Variants in SLC17A1 observed in about 807,000 individuals in gnomAD.
SLC17A1 encodes the protein solute carrier family 17 member 1.
Under a neutral mutation model 53.5 loss-of-function variants are expected in SLC17A1, and 51 were observed. The ratio of observed to expected loss-of-function variants is 0.95; its 90% confidence interval spans 0.76 to 1.20. The LOEUF (loss-of-function observed/expected upper bound fraction) is 1.20. Among genes scored for constraint, SLC17A1 ranks in the 50% most tolerant of loss-of-function variants. SLC17A1 has a pLI of 0.00. For synonymous variants in SLC17A1, 179 were observed against 198.8 expected, an observed-to-expected ratio of 0.90 and a Z score of 0.84; for missense variants, 538 against 568.2, an observed-to-expected ratio of 0.95 and a Z score of 0.54.
chr6:25,758,056 C>A, the SLC17A1 span, among the ~76,000 whole-genome samples: 1 of 152,224 alleles, frequency 6.6e-6, no homozygotes, highest in Non-Finnish European at 1.5e-5. Context: ...GGACGTATCA[C>A]AGCCTCCAGT....
the SLC17A1 span, among the ~76,000 whole-genome samples, chr6:25,774,331 T>C: frequency 1.3e-5 from 2 of 152,324 alleles, no homozygotes; most frequent in South Asian, 2.1e-4. Flanking sequence ...GGCTATCAGA[T>C]TTCATAACAT....
At chr6:25,812,458 G>T (rs1370158426) in intron 8 of SLC17A1, among the ~76,000 whole-genome samples, 1 of 152,188 alleles carries the variant, frequency 6.6e-6, no homozygotes, top group African/African-American at 2.4e-5. Flanking sequence ...GAGAGGATTG[G>T]TAAAAGCTTG....
intron 3 of SLC17A1, 30 bp from the exon 4 acceptor site, chr6:25,819,945 A>G: frequency 7.0e-7 from 1 of 1,431,470 alleles, no homozygotes; most frequent in Non-Finnish European, 9.7e-7. Flanking sequence ...ATGTCGAATC[A>G]CTCTGCATAT....
the SLC17A1 span, chr6:25,770,828 T>G: frequency 1.1e-6 from 1 of 936,218 alleles, no homozygotes; most frequent in Non-Finnish European, 1.7e-6. Context: ...GGCTTGAAAC[T>G]CATACCTTCA....
chr6:25,789,441 G>A (rs544719258), intron 12 of SLC17A1, among the ~76,000 whole-genome samples: 1 of 151,490 alleles, frequency 6.6e-6, no homozygotes, highest in Non-Finnish European at 1.5e-5. Flanking sequence ...TAGTTCCAAA[G>A]TATGTAAATA....
At chr6:25,817,290 G>A (rs7753366) in intron 6 of SLC17A1, among the ~76,000 whole-genome samples, 42,408 of 152,048 alleles carry the variant, frequency 0.28, 6,408 homozygotes, top group African/African-American at 0.4. Context: ...CAACTTTATT[G>A]GCAAGAATAT....
the SLC17A1 span, chr6:25,726,991 G>A: frequency 1.3e-5 from 21 of 1,614,044 alleles, no homozygotes; most frequent in Non-Finnish European, 1.7e-5. Context: ...AAAAAGGAAG[G>A]CAAAAAGCGC....
chr6:25,801,911 A>C (rs996743814), intron 10 of SLC17A1, among the ~76,000 whole-genome samples: 4 of 141,674 alleles, frequency 2.8e-5, no homozygotes, highest in African/African-American at 1.1e-4. Flanking sequence ...TTGACGATCT[A>C]GGGAGTGTGT....
the SLC17A1 span, among the ~76,000 whole-genome samples, chr6:25,733,503 C>T: frequency 2.0e-5 from 3 of 151,686 alleles, no homozygotes; most frequent in Non-Finnish European, 4.4e-5. Flanking sequence ...TCTAGAAGAC[C>T]GTAGCCATGC....
At chr6:25,727,425 T>C in the SLC17A1 span, 1 of 736,686 alleles carries the variant, frequency 1.4e-6, no homozygotes, top group South Asian at 2.3e-5. Flanking sequence ...AGGCGGAGTC[T>C]CACTCTCCCA....
intron 12 of SLC17A1, among the ~76,000 whole-genome samples, chr6:25,797,164 C>T (rs1441420723): frequency 6.6e-6 from 1 of 152,216 alleles, no homozygotes; most frequent in East Asian, 1.9e-4. Context: ...AAACAAAACC[C>T]TCCTTGGTTT....
the SLC17A1 span, chr6:25,727,293 G>A: frequency 2.5e-6 from 4 of 1,587,908 alleles, no homozygotes; most frequent in East Asian, 2.2e-5. Flanking sequence ...CTCCAAGTAA[G>A]CCTGCTAAGT....
At chr6:25,726,385 G>C in the SLC17A1 span, 1 of 1,614,102 alleles carries the variant, frequency 6.2e-7, no homozygotes. Context: ...ATACACTGGT[G>C]CGCCTGCCCC....
At chr6:25,770,362 A>G in the SLC17A1 span, 1 of 1,614,064 alleles carries the variant, frequency 6.2e-7, no homozygotes, top group Non-Finnish European at 8.5e-7. Context: ...CAGATCTCCA[A>G]GAATGGAATT....
downstream of SLC17A1, among the ~76,000 whole-genome samples, chr6:25,781,521 C>A (rs1763268401): frequency 6.6e-6 from 1 of 152,090 alleles, no homozygotes; most frequent in Non-Finnish European, 1.5e-5. Context: ...ATGCCTGAGG[C>A]TGGGTAACTT....
Position 25,787,631 on chromosome 6 carries a change from T to C in SLC17A1, c.*3-4413A>G, listed in dbSNP as rs1003380854. On this transcript the variant is annotated intron_variant, in intron 12 of 12. Transcript: ENST00000244527. ...TAGACCTTGTCAAAAGATTACAGTT[T>C]CCCTTAGCTGCTCTGCAGATAACAA... Among the ~76,000 whole-genome samples the C allele has an allele frequency of 3.3e-5, 5 of 152,226 alleles. No homozygotes were observed. The South Asian group carries it at 6.2e-4, about 19-fold the overall frequency.
At chr6:25,792,745 T>A (rs971099178) in intron 12 of SLC17A1, among the ~76,000 whole-genome samples, 1 of 152,158 alleles carries the variant, frequency 6.6e-6, no homozygotes, top group Non-Finnish European at 1.5e-5. Flanking sequence ...CCTATCCTTG[T>A]TTCTTCTCTT....
chr6:25,789,839 C>T (rs1177739863), intron 12 of SLC17A1, among the ~76,000 whole-genome samples: 2 of 152,074 alleles, frequency 1.3e-5, no homozygotes, highest in African/African-American at 4.8e-5. Context: ...AAGAATATCA[C>T]TGATACAATT....
the SLC17A1 span, among the ~76,000 whole-genome samples, chr6:25,747,332 G>C: frequency 1.3e-5 from 2 of 152,150 alleles, no homozygotes; most frequent in African/African-American, 4.8e-5. Context: ...TTATTTTATG[G>C]CTTCCATTTC....
Sources: allele counts gnomAD v4.1 joint callset (sites outside exome capture counted in the v4.1 genomes callset), GRCh38; gene constraint gnomAD v4.1.1; transcripts MANE v1.5; gene names NCBI Gene and HGNC (gene_info 2026-07-23, HGNC 2026-07-21).